Variants in ARL6IP6 observed in about 807,000 individuals in gnomAD.
ARL6IP6 encodes the protein ARF like GTPase 6 interacting protein 6.
A neutral mutation model predicts 21.5 loss-of-function variants in ARL6IP6; 22 were observed. That is an observed-to-expected ratio of 1.02 (90% CI 0.73 to 1.46). ARL6IP6 has a LOEUF of 1.46. Among genes scored for constraint, ARL6IP6 ranks in the 40% most tolerant of loss-of-function variants. ARL6IP6 has a pLI of 0.00. For missense variants in ARL6IP6, 388 were observed against 299.8 expected (o/e 1.29, Z -2.17); for synonymous variants, 164 against 125.3 (o/e 1.31, Z -2.06).
intron 3 of ARL6IP6, among the ~76,000 whole-genome samples, chr2:152,740,075 A>G (rs1259905009): frequency 2.0e-5 from 3 of 152,140 alleles, no homozygotes; most frequent in Non-Finnish European, 4.4e-5. Flanking sequence ...CAGTCAAACC[A>G]TATCAATTAG....
chr2:152,743,477 G>T (rs1313602883), intron 3 of ARL6IP6, among the ~76,000 whole-genome samples: 1 of 152,120 alleles, frequency 6.6e-6, no homozygotes, highest in Non-Finnish European at 1.5e-5. Context: ...TCCAAAATAA[G>T]TCATTCTTGG....
chr2:152,731,467 G>T lies in ARL6IP6; in HGVS notation c.455-3527G>T, dbSNP rs114112740. On this transcript the variant is annotated intron_variant, in intron 2 of 3. Coordinates refer to ENST00000326446, the MANE Select transcript of ARL6IP6 (RefSeq NM_152522.7). ...TGATAATTCGTAAGTCATCTGCTAG[G>T]GTTCTCAACTCTTCCTGTATTCTTG... Among the ~76,000 whole-genome samples the T allele has an allele frequency of 4.8e-3, 726 of 152,192 alleles. 4 individuals carry two copies. The highest frequency in any genetic ancestry group is 0.016 in the African/African-American group (675 of 41,506).
chr2:152,754,192 C>T (rs956321660), intron 3 of ARL6IP6, among the ~76,000 whole-genome samples: 1 of 152,058 alleles, frequency 6.6e-6, no homozygotes, highest in South Asian at 2.1e-4. Flanking sequence ...ATGAAAACCC[C>T]ATACCCATTA....
chr2:152,726,482 G>C (rs758923897), intron 2 of ARL6IP6, among the ~76,000 whole-genome samples: 22 of 152,278 alleles, frequency 1.4e-4, no homozygotes, highest in Non-Finnish European at 1.9e-4. Context: ...AAAGACTTGA[G>C]CTATCTATAG....
At chr2:152,732,765 T>A (rs1700379343) in intron 2 of ARL6IP6, among the ~76,000 whole-genome samples, 1 of 152,194 alleles carries the variant, frequency 6.6e-6, no homozygotes, top group Admixed American at 6.5e-5. Context: ...TGGATAGTAT[T>A]TGTATATGAC....
At chr2:152,724,535 T>C (rs1264516159) in intron 2 of ARL6IP6, among the ~76,000 whole-genome samples, 1 of 152,216 alleles carries the variant, frequency 6.6e-6, no homozygotes, top group African/African-American at 2.4e-5. Flanking sequence ...AGCTAAATTA[T>C]TAGTCATGAA....
intron 3 of ARL6IP6, among the ~76,000 whole-genome samples, chr2:152,742,687 C>G (rs1292622196): frequency 6.6e-6 from 1 of 151,812 alleles, no homozygotes. Flanking sequence ...CCAGCTGTGC[C>G]TTACAGTACA....
Position 152,762,138 on chromosome 2 carries a change from G to C in ARL6IP6, c.*2298G>C, listed in dbSNP as rs1352641668. Among the ~76,000 whole-genome samples the C allele has an allele frequency of 1.7e-5, 2 of 116,698 alleles. No homozygotes were observed. Among genetic ancestry groups the C allele is most frequent in the Non-Finnish European group, 4.1e-5 (2 of 48,480 alleles). The allele number at this position is 116,698 out of a possible 152,430, so 76.6% of individuals were successfully genotyped here. ...TAATCTCATTTTGCCTGGCTACAAT[G>C]AGTAGAATAGAGAAATGACTTCAGT... On this transcript the variant is annotated 3_prime_UTR_variant, in exon 4 of 4. Coordinates refer to ENST00000326446, the MANE Select transcript of ARL6IP6 (RefSeq NM_152522.7).
At chr2:152,759,651 T>A (rs1701739812) in intron 3 of ARL6IP6, 96 bp from the exon 4 acceptor site, 2 of 927,920 alleles carry the variant, frequency 2.2e-6, no homozygotes, top group East Asian at 4.9e-5. Context: ...GGAAATACAC[T>A]CCAAGGTCAT....
intron 1 of ARL6IP6, chr2:152,720,241 T>C (rs898091158): frequency 9.4e-6 from 4 of 423,942 alleles, no homozygotes; most frequent in South Asian, 2.5e-5. Flanking sequence ...TTTGGAAGAA[T>C]AGAGAAAGGA....
At chr2:152,753,273 A>G (rs2105182744) in intron 3 of ARL6IP6, among the ~76,000 whole-genome samples, 1 of 152,348 alleles carries the variant, frequency 6.6e-6, no homozygotes, top group Admixed American at 6.5e-5. Context: ...ATTCTTAGGA[A>G]TAGGGAGGAA....
At chr2:152,717,687 A>C (rs1354956681), upstream of ARL6IP6, 3 of 1,406,224 alleles carry the variant, frequency 2.1e-6, no homozygotes, top group Non-Finnish European at 2.8e-6. Context: ...CTCCGTCGGG[A>C]AAACTCTACC....
At chr2:152,735,184 A>T (rs543403137) in intron 3 of ARL6IP6, 58 bp downstream of exon 3, 1 of 1,578,832 alleles carries the variant, frequency 6.3e-7, no homozygotes, top group Non-Finnish European at 8.7e-7. Context: ...TGAAAATACT[A>T]AAATACTCAG....
intron 3 of ARL6IP6, among the ~76,000 whole-genome samples, chr2:152,757,540 A>G (rs1445032044): frequency 6.6e-6 from 1 of 152,164 alleles, no homozygotes; most frequent in East Asian, 1.9e-4. Context: ...AGTTTTGACA[A>G]AGGAGAACCA....
intron 1 of ARL6IP6, 26 bp from the exon 2 acceptor site, chr2:152,720,507 A>G: frequency 1.2e-6 from 2 of 1,607,800 alleles, no homozygotes; most frequent in East Asian, 2.2e-5. Flanking sequence ...TTGCTTTCCT[A>G]CCTAAGTCCC....
chr2:152,736,598 G>A (rs1426976457), intron 3 of ARL6IP6, among the ~76,000 whole-genome samples: 1 of 152,120 alleles, frequency 6.6e-6, no homozygotes, highest in African/African-American at 2.4e-5. Flanking sequence ...TTTAAGGCTA[G>A]TGTACTTGAC....
intron 3 of ARL6IP6, among the ~76,000 whole-genome samples, chr2:152,735,436 A>C (rs1296526366): frequency 6.6e-6 from 1 of 152,232 alleles, no homozygotes; most frequent in Non-Finnish European, 1.5e-5. Context: ...TATAAAGGCA[A>C]AATTAATACC....
At chr2:152,729,072 A>T (rs902178945) in intron 2 of ARL6IP6, among the ~76,000 whole-genome samples, 60 of 151,032 alleles carry the variant, frequency 4.0e-4, no homozygotes, top group Admixed American at 2.4e-3. Context: ...AAAAAAAAAA[A>T]TTAATATACA....
chr2:152,733,703 A>G (rs529612484), intron 2 of ARL6IP6, among the ~76,000 whole-genome samples: 1 of 152,210 alleles, frequency 6.6e-6, no homozygotes, highest in Non-Finnish European at 1.5e-5. Context: ...TCCAAGAAAA[A>G]TATGCTTACA....
Sources: gnomAD v4.1 joint callset for allele counts (sites outside exome capture counted in the v4.1 genomes callset) on GRCh38, gnomAD v4.1.1 for gene constraint, MANE v1.5 for transcripts, NCBI Gene and HGNC (gene_info 2026-07-23, HGNC 2026-07-21) for gene names.